The following DENND3 variants were observed in gnomAD, a reference collection of about 807,000 sequenced individuals.
The protein encoded by DENND3 is DENN domain-containing protein 3.
In DENND3, 88 loss-of-function variants were observed where a neutral mutation model predicts 135.1. The observed-to-expected ratio is 0.65, with a 90% CI of 0.55 to 0.78. The LOEUF (loss-of-function observed/expected upper bound fraction) is 0.78. DENND3 is among the 30% of genes least tolerant of loss of function. The pLI, the probability that DENND3 is intolerant of heterozygous loss-of-function variation, is 0.00. For missense variants in DENND3, 1,392 were observed against 1,688.4 expected (o/e 0.82, Z 3.08); for synonymous variants, 693 against 712.3 (o/e 0.97, Z 0.43).
rs1333421729 is a variant in DENND3, at chr8:141,182,032, G to A, written c.2944+1178G>A. ...TGATCTCGAACTCCTGGGCTCAAGC[G>A]ATACCTCTCCACCTTGGCCTCCCGA... On this transcript the variant is annotated intron_variant, in intron 17 of 22. Transcript: ENST00000519811. The surrounding 1 kb of genome is among the most constrained non-coding windows in gnomAD (Gnocchi z 5.9). Among the ~76,000 whole-genome samples, 1 of 152,294 alleles carries A rather than the reference G, an allele frequency of 6.6e-6. No individual in the cohort carries two copies. The highest frequency in any genetic ancestry group is 1.5e-5 in the Non-Finnish European group (1 of 68,022).
At chr8:141,192,866 G>C in intron 22 of DENND3, 2 of 1,526,114 alleles carry the variant, frequency 1.3e-6, no homozygotes, top group Non-Finnish European at 1.8e-6. Flanking sequence ...TGTGGTCCAA[G>C]CACTCCACAG....
Position 141,154,566 on chromosome 8 carries a change from T to C in DENND3, c.1075-1283T>C, listed in dbSNP as rs1168702354. On this transcript the variant is annotated intron_variant, in intron 7 of 22. Coordinates refer to ENST00000519811, the MANE Select transcript of DENND3 (RefSeq NM_001352890.3). The surrounding 1 kb of genome is among the most constrained non-coding windows in gnomAD (Gnocchi z 4.4). Reference sequence around the variant, plus strand: ...CATGTATTGGAATCTTTTTTTTTTCTTTTTTTTTTTTGTGAGATGGAGTTT... The same window carrying C: ...CATGTATTGGAATCTTTTTTTTTTCCTTTTTTTTTTTGTGAGATGGAGTTT... Among the ~76,000 whole-genome samples the C allele has an allele frequency of 2.1e-5, 3 of 144,810 alleles. No individual in the cohort carries two copies. The highest frequency in any genetic ancestry group is 4.6e-5 in the Non-Finnish European group (3 of 65,412).
rs557795249 is a variant in DENND3 at position 141,189,030 on chromosome 8, G to C, written c.3129G>C (p.Ser1043=). 1 of 1,614,158 alleles carries C rather than the reference G, an allele frequency of 6.2e-7. No individual in the cohort carries two copies. Among genetic ancestry groups the C allele is most frequent in the Non-Finnish European group, 8.5e-7 (1 of 1,180,024 alleles). The change falls in exon 19 of 23, where the codon TCG becomes TCC. Residue 1043 remains serine, a synonymous_variant. Coordinates refer to ENST00000519811, the MANE Select transcript of DENND3 (RefSeq NM_001352890.3). The stretch of plus-strand genomic sequence containing the variant: ...ACCAGAACCAGGTGTGGGTTGGCTC[G>C]GAAGACTCCGTCATCTACATCATCA... ...MADQNQVWVG[S]EDSVIYIINV... is the part of the protein sequence containing the mutation.
intron 13 of DENND3, among the ~76,000 whole-genome samples, chr8:141,169,795 T>G (rs1234572303): frequency 6.6e-6 from 1 of 152,262 alleles, no homozygotes; most frequent in African/African-American, 2.4e-5. Flanking sequence ...GTTTTACTCA[T>G]GGTGTTTTCA....
In DENND3 at chr8:141,130,960, T is replaced by C. The variant is rs1273854644; in HGVS notation, c.102+2151T>C. Among the ~76,000 whole-genome samples the C allele has an allele frequency of 6.6e-6, 1 of 152,142 alleles. No homozygotes were observed. Among genetic ancestry groups the C allele is most frequent in the East Asian group, 1.9e-4 (1 of 5,186 alleles). Reference sequence around the variant, plus strand: ...TCGGCCTCCCAAAGTGTTGGGATTATAGGTGTGAGCCACCGCACCTGGCCG... The same window carrying C: ...TCGGCCTCCCAAAGTGTTGGGATTACAGGTGTGAGCCACCGCACCTGGCCG... On this transcript the variant is annotated intron_variant, in intron 1 of 22. Coordinates refer to ENST00000519811, the MANE Select transcript of DENND3 (RefSeq NM_001352890.3). The surrounding 1 kb of genome is among the most constrained non-coding windows in gnomAD (Gnocchi z 4.2).
At position 141,182,175 on chromosome 8, in the gene DENND3, T is replaced by C. The variant is rs1823225413; in HGVS notation, c.2944+1321T>C. ...CAGCCGTAGGTGTCAGGGATGCAGA[T>C]GTAGGTGTCACCCCCTCTCACAGGC... On this transcript the variant is annotated intron_variant, in intron 17 of 22. Transcript: ENST00000519811. This position sits in a 1 kb window ranked among gnomAD's most constrained non-coding sequence, Gnocchi z 5.9. 3.4e-6 allele frequency: 1 copy of C among 290,342 alleles called. No homozygotes were observed. Among genetic ancestry groups the C allele is most frequent in the South Asian group, 1.3e-4 (1 of 7,612 alleles). The allele number at this position is 290,342 out of a possible 1,614,324, so 18.0% of individuals were successfully genotyped here.
At chr8:141,152,539 C>T (rs978488428) in intron 7 of DENND3, among the ~76,000 whole-genome samples, 10 of 152,312 alleles carry the variant, frequency 6.6e-5, no homozygotes, top group African/African-American at 1.9e-4. Context: ...GACTCCTCCA[C>T]GTGGTAGCAT....
chr8:141,158,699 G>A (rs1819751948), intron 8 of DENND3, among the ~76,000 whole-genome samples: 1 of 152,320 alleles, frequency 6.6e-6, no homozygotes, highest in South Asian at 2.1e-4. Context: ...GGGAGGGACG[G>A]GGCAGCCCCC....
chr8:141,169,263 G>A (rs1821194698), intron 13 of DENND3, among the ~76,000 whole-genome samples: 1 of 152,256 alleles, frequency 6.6e-6, no homozygotes, highest in Non-Finnish European at 1.5e-5. Flanking sequence ...GGTCTTTACA[G>A]TTGCCCTGGG....
rs922669820 is a variant in DENND3 at position 141,185,019 on chromosome 8, C to T, written c.2945-120C>T. 3.0e-6 allele frequency: 4 copies of T among 1,319,016 alleles called. No homozygotes were observed. The African/African-American group carries it at 5.9e-5, about 19-fold the overall frequency. 81.7% of individuals were successfully genotyped at this position (1,319,016 alleles called of 1,614,324 possible). ...CCTGGGCACGTCTTTGTACGTACAG[C>T]ACCTAACATGGGCCTGGCGCTTAGG... On this transcript the variant is annotated intron_variant, in intron 17 of 22. Transcript: ENST00000519811.
chr8:141,188,922 T>C lies in DENND3; in HGVS notation c.3085-64T>C, dbSNP rs192301670. 7 of 1,570,268 alleles carry C rather than the reference T, an allele frequency of 4.5e-6. No individual in the cohort carries two copies. The Admixed American group carries it at 7.8e-5, about 17-fold the overall frequency. ...TAATTCAGCACGTGCAGTAAATGTA[T>C]AGAATATGACTTCACCAGTATCGAG... On this transcript the variant is annotated intron_variant, in intron 18 of 22. Transcript: ENST00000519811.
At chr8:141,181,144 G>A (rs1823046302) in intron 17 of DENND3, among the ~76,000 whole-genome samples, 1 of 152,218 alleles carries the variant, frequency 6.6e-6, no homozygotes, top group African/African-American at 2.4e-5. Context: ...ACCTTCTAGA[G>A]CAGTCGACGG....
Position 141,137,253 on chromosome 8 carries a change from T to A in DENND3, c.385+462T>A, listed in dbSNP as rs1232215070. Among the ~76,000 whole-genome samples, 2 of 152,206 alleles carry A rather than the reference T, an allele frequency of 1.3e-5. No individual in the cohort carries two copies. The highest frequency in any genetic ancestry group is 4.1e-4 in the South Asian group (2 of 4,828). On this transcript the variant is annotated intron_variant, in intron 2 of 22. Coordinates refer to ENST00000519811, the MANE Select transcript of DENND3 (RefSeq NM_001352890.3). This position sits in a 1 kb window ranked among gnomAD's most constrained non-coding sequence, Gnocchi z 4.1. ...CCTTAGCCTCCCAAAGTGCTGGGAT[T>A]ACAGGCGTGAGCCACCGTGCTCGAC...
intron 1 of DENND3, among the ~76,000 whole-genome samples, chr8:141,136,133 G>A (rs886238877): frequency 6.6e-6 from 1 of 152,210 alleles, no homozygotes; most frequent in African/African-American, 2.4e-5. Context: ...TGTACTCGCC[G>A]CTTAAAGGGA....
chr8:141,147,692 T>C (rs2154612886), intron 5 of DENND3, among the ~76,000 whole-genome samples: 1 of 152,302 alleles, frequency 6.6e-6, no homozygotes, highest in South Asian at 2.1e-4. Context: ...AGGGCTTCTG[T>C]GCATGTGTTT....
chr8:141,129,417 A>C (rs1589505550), intron 1 of DENND3, among the ~76,000 whole-genome samples: 2 of 149,508 alleles, frequency 1.3e-5, no homozygotes, highest in African/African-American at 2.5e-5. Context: ...TTGCGGTACC[A>C]CCCCCACCCC....
rs1569556859 is a variant in DENND3, at chr8:141,185,151, C to T, written c.2957C>T (p.Pro986Leu). 5.0e-6 allele frequency: 8 copies of T among 1,613,862 alleles called. No individual in the cohort carries two copies. The highest frequency in any genetic ancestry group is 5.9e-6 in the Non-Finnish European group (7 of 1,179,796). ...CTCTCCTCTTTAGGGCATCTTGACCCAGCCGAAAAAGTTGAAGATGCTCAC... is the reference window on the plus strand; with the variant it reads ...CTCTCCTCTTTAGGGCATCTTGACCTAGCCGAAAAAGTTGAAGATGCTCAC... ...VLLYTPGHLD[P>L]AEKVEDAHPK... The change falls in exon 18 of 23, where the codon CCA becomes CTA. Residue 986 changes from proline (P) to leucine (L), a missense_variant. By Grantham distance (98) the Pro-to-Leu change is moderately conservative. Coordinates refer to ENST00000519811, the MANE Select transcript of DENND3 (RefSeq NM_001352890.3).
At chr8:141,192,722 C>A (rs1824928858) in intron 22 of DENND3, 59 bp downstream of exon 22, 1 of 1,608,930 alleles carries the variant, frequency 6.2e-7, no homozygotes, top group African/African-American at 1.3e-5. Context: ...GCCCTGGCCG[C>A]ATCCCCATGC....
chr8:141,168,698 G>A lies in DENND3; in HGVS notation c.2275+173G>A, dbSNP rs905435447. On this transcript the variant is annotated intron_variant, in intron 13 of 22. Transcript: ENST00000519811. The surrounding 1 kb of genome is among the most constrained non-coding windows in gnomAD (Gnocchi z 6.2). Reference sequence around the variant, plus strand: ...GTAGCTGGGACTAGACTACAGGTACGCGACACCGTGCCCGGCTAATTTTAG... The same window carrying A: ...GTAGCTGGGACTAGACTACAGGTACACGACACCGTGCCCGGCTAATTTTAG... 4.0e-5 allele frequency among the ~76,000 whole-genome samples: 6 copies of A among 151,754 alleles called. No homozygotes were observed. Among genetic ancestry groups the A allele is most frequent in the African/African-American group, 1.2e-4 (5 of 41,284 alleles).
Sources: gnomAD v4.1 joint callset for allele counts (sites outside exome capture counted in the v4.1 genomes callset) on GRCh38, gnomAD v4.1.1 for gene constraint, Gnocchi (gnomAD v3.1) non-coding constraint, MANE v1.5 for transcripts, NCBI Gene and HGNC (gene_info 2026-07-23, HGNC 2026-07-21) for gene names.